USP39: variants seen among roughly 807,000 people sequenced by gnomAD.
USP39 encodes ubiquitin carboxyl-terminal hydrolase 39.
Under a neutral mutation model 66.4 loss-of-function variants are expected in USP39, and 38 were observed. The ratio of observed to expected loss-of-function variants is 0.57; its 90% confidence interval spans 0.44 to 0.75. The LOEUF (loss-of-function observed/expected upper bound fraction) is 0.75, where lower values mean the gene tolerates loss of function less well. Among genes scored for constraint, USP39 ranks in the 30% least tolerant of loss-of-function variants. USP39 has a pLI of 0.00. For synonymous variants in USP39, 303 were observed against 274.6 expected (o/e 1.10, Z -1.02); for missense variants, 608 against 714.4 (o/e 0.85, Z 1.70).
At chr2:85,640,943 C>T (rs1676191282) in intron 9 of USP39, 33 bp from the exon 10 acceptor site, 1 of 1,579,816 alleles carries the variant, frequency 6.3e-7, no homozygotes, top group African/African-American at 1.4e-5. Flanking sequence ...TGAACTTCAG[C>T]ACTAATTTGA....
intron 4 of USP39, among the ~76,000 whole-genome samples, chr2:85,624,196 C>T (rs1674675479): frequency 6.6e-6 from 1 of 152,146 alleles, no homozygotes. Context: ...GATATCTTAT[C>T]TGTGGGCTCT....
chr2:85,644,824 A>T, intron 10 of USP39, 124 bp from the exon 11 acceptor site: 1 of 1,337,326 alleles, frequency 7.5e-7, no homozygotes, highest in Non-Finnish European at 1.0e-6. Flanking sequence ...TGACTCTGCA[A>T]GCCTACCCAG....
chr2:85,606,925 A>G (rs1673234116), intron 1 of USP39: 1 of 151,970 alleles, frequency 6.6e-6, no homozygotes, highest in Non-Finnish European at 1.5e-5. Flanking sequence ...GGGATGGACT[A>G]CAGGCACATG....
chr2:85,649,104 G>A lies in USP39; in HGVS notation c.*296G>A. 3.1e-6 allele frequency: 1 copy of A among 326,964 alleles called. No individual in the cohort carries two copies. The highest frequency in any genetic ancestry group is 6.4e-5 in the East Asian group (1 of 15,620). 20.3% of individuals were successfully genotyped at this position (326,964 alleles called of 1,614,324 possible). On this transcript the variant is annotated 3_prime_UTR_variant, in exon 13 of 13. Transcript: ENST00000323701. ...TCCAGATGTGTGTAACTTATGTCTT[G>A]AGTATCTGGGAGTAGTTGAAGAACA...
chr2:85,636,633 G>A (rs1042838871), intron 7 of USP39, among the ~76,000 whole-genome samples: 4 of 151,998 alleles, frequency 2.6e-5, no homozygotes, highest in African/African-American at 9.7e-5. Context: ...TCTCCCAAGG[G>A]TAGCTGGGAT....
chr2:85,628,085 A>G (rs1043035253), intron 5 of USP39, among the ~76,000 whole-genome samples: 1 of 152,102 alleles, frequency 6.6e-6, no homozygotes, highest in South Asian at 2.1e-4. Flanking sequence ...GGAAAGGTCA[A>G]ATTCTTAAGT....
rs1003716728 is a variant in USP39 at position 85,625,411 on chromosome 2, G to A, written c.571-128G>A. ...CTTCAATCTTTACACCTACTGGTTC[G>A]GACTATTTTTCTGTGTGTGGTGGGA... On this transcript the variant is annotated intron_variant, in intron 4 of 12. Coordinates refer to ENST00000323701, the MANE Select transcript of USP39 (RefSeq NM_006590.4). The A allele has an allele frequency of 2.2e-5, 26 of 1,206,208 alleles. No homozygotes were observed. The African/African-American group carries it at 2.9e-4, about 14-fold the overall frequency. The allele number at this position is 1,206,208 out of a possible 1,614,324, so 74.7% of individuals were successfully genotyped here. A position where few individuals can be genotyped will look rare whatever the true frequency, so the allele number is the denominator to read the frequency against.
chr2:85,627,231 G>A (rs1197651932), intron 5 of USP39, among the ~76,000 whole-genome samples: 1 of 150,896 alleles, frequency 6.6e-6, no homozygotes, highest in African/African-American at 2.4e-5. Context: ...TGAGTAGCTG[G>A]GATTACAGAT....
intron 6 of USP39, among the ~76,000 whole-genome samples, chr2:85,632,017 C>T (rs956341348): frequency 2.0e-5 from 3 of 152,130 alleles, no homozygotes; most frequent in East Asian, 1.9e-4. Flanking sequence ...GTTGGGATTA[C>T]GGGTGTGAGC....
At chr2:85,604,046 C>A (rs774766242) in intron 1 of USP39, among the ~76,000 whole-genome samples, 12 of 152,110 alleles carry the variant, frequency 7.9e-5, no homozygotes, top group Non-Finnish European at 8.8e-5. Context: ...GGTTGCCCAG[C>A]GTGGGGAGCT....
chr2:85,643,484 A>G (rs2104352749), intron 10 of USP39, among the ~76,000 whole-genome samples: 1 of 150,754 alleles, frequency 6.6e-6, no homozygotes, highest in Admixed American at 6.6e-5. Context: ...ACAGAGCGAG[A>G]CTCTGTCTCA....
chr2:85,634,084 G>A lies in USP39; in HGVS notation c.950-1969G>A, dbSNP rs191578293. 4.4e-3 allele frequency among the ~76,000 whole-genome samples: 660 copies of A among 150,994 alleles called. 8 individuals are homozygous for A. Among genetic ancestry groups the A allele is most frequent in the African/African-American group, 0.015 (633 of 41,312 alleles). ...GATCTCCTGACCTCGTGATCCGTCC[G>A]CCTCGGCCTCCCAAAGTGCTGGGAT... is the stretch of plus-strand genomic sequence containing the variant. On this transcript the variant is annotated intron_variant, in intron 6 of 12. Transcript: ENST00000323701.
chr2:85,621,339 C>T, intron 2 of USP39, 146 bp from the exon 3 acceptor site: 1 of 629,984 alleles, frequency 1.6e-6, no homozygotes, highest in Non-Finnish European at 2.8e-6. Context: ...GAGGAATAAT[C>T]AGTGTCCCCC....
upstream of USP39, chr2:85,612,315 A>G: frequency 6.5e-7 from 1 of 1,536,002 alleles, no homozygotes; most frequent in African/African-American, 1.4e-5. Flanking sequence ...AATCATCTAT[A>G]ACACAACTCG....
Position 85,618,822 on chromosome 2 carries a change from T to A in USP39, c.269-398T>A, listed in dbSNP as rs932833722. On this transcript the variant is annotated intron_variant, in intron 1 of 12. Transcript: ENST00000323701. ...TTTGCTCTTGTCGCCCAGGCTGGAG[T>A]GCAGCGGTACGATCTCTGCTCACTG... Among the ~76,000 whole-genome samples the A allele has an allele frequency of 3.0e-4, 45 of 151,842 alleles. 1 individual carries two copies. The highest frequency in any genetic ancestry group is 2.8e-3 in the Admixed American group (43 of 15,220).
intron 4 of USP39, 135 bp from the exon 5 acceptor site, chr2:85,625,404 C>G (rs868091417): frequency 1.8e-6 from 2 of 1,097,184 alleles, no homozygotes; most frequent in South Asian, 1.4e-5. Context: ...TTTACACCTA[C>G]TGGTTCGGAC....
upstream of USP39, among the ~76,000 whole-genome samples, chr2:85,615,081 G>C (rs930159978): frequency 1.3e-5 from 2 of 151,724 alleles, no homozygotes; most frequent in East Asian, 1.9e-4. Context: ...AGTGCAATGG[G>C]GCGATCTCGG....
chr2:85,611,059 G>C, upstream of USP39: 1 of 189,990 alleles, frequency 5.3e-6, no homozygotes, highest in Non-Finnish European at 1.0e-5. Context: ...GCGCCCAGCC[G>C]GGGAAACCCC....
chr2:85,609,528 A>C (rs754586751), upstream of USP39: 1 of 1,614,158 alleles, frequency 6.2e-7, no homozygotes, highest in Non-Finnish European at 8.5e-7. Flanking sequence ...CAGAGCCTCC[A>C]CTACTGCTGC....
Sources: allele counts gnomAD v4.1 joint callset (sites outside exome capture counted in the v4.1 genomes callset), GRCh38; gene constraint gnomAD v4.1.1; transcripts MANE v1.5; gene names NCBI Gene and HGNC (gene_info 2026-07-23, HGNC 2026-07-21).